Variants in ZBTB49 observed in about 807,000 individuals in gnomAD.
The protein encoded by ZBTB49 is zinc finger and BTB domain containing 49.
In ZBTB49, 43 loss-of-function variants were observed where a neutral mutation model predicts 57.5. The observed-to-expected ratio is 0.75, with a 90% confidence interval of 0.59 to 0.97. ZBTB49 has a LOEUF of 0.97. Ranked by LOEUF, ZBTB49 falls within the 50% of genes least tolerant of loss-of-function variation. The pLI is 0.00. For missense variants in ZBTB49, 938 were observed against 947.7 expected, an observed-to-expected ratio of 0.99 and a Z score of 0.13; for synonymous variants, 369 against 362.1, an observed-to-expected ratio of 1.02 and a Z score of -0.22.
rs374478665 is a variant in ZBTB49 at position 4,310,112 on chromosome 4, C to G, written c.1303-2929C>G. On this transcript the variant is annotated intron_variant, in intron 4 of 7. Coordinates refer to ENST00000337872, the MANE Select transcript of ZBTB49 (RefSeq NM_145291.4). ...ATGTTTAAATACTGAGGTTCAAGTA[C>G]CTGTCAGAAGGAGTTTATTATAAAA... Among the ~76,000 whole-genome samples the G allele has an allele frequency of 5.9e-5, 9 of 152,240 alleles. No individual in the cohort carries two copies. The East Asian group carries it at 1.2e-3, about 20-fold the overall frequency.
chr4:4,307,770 C>T (rs191538348), intron 4 of ZBTB49, among the ~76,000 whole-genome samples: 3 of 151,946 alleles, frequency 2.0e-5, no homozygotes, highest in Admixed American at 6.5e-5. Context: ...TTAGCAATTG[C>T]GACTTCTCTG....
chr4:4,293,074 G>A (rs1341699273), intron 1 of ZBTB49, among the ~76,000 whole-genome samples: 2 of 152,048 alleles, frequency 1.3e-5, no homozygotes, highest in African/African-American at 4.8e-5. Flanking sequence ...GTCCAATAGG[G>A]GACCTCTCCA....
chr4:4,318,723 T>C (rs186685262), intron 7 of ZBTB49, among the ~76,000 whole-genome samples: 26 of 152,336 alleles, frequency 1.7e-4, no homozygotes, highest in African/African-American at 6.0e-4. Context: ...TCCGCATGTC[T>C]GAGTAAAGTG....
intron 6 of ZBTB49, 39 bp from the exon 7 acceptor site, chr4:4,315,768 TTC>T (rs773214907): frequency 1.2e-4 from 198 of 1,613,708 alleles, no homozygotes; most frequent in Admixed American, 4.8e-4. Context: ...GATTAAAATG[TTC>T]TCTGTCCTTC....
At chr4:4,315,511 T>G in intron 5 of ZBTB49, 125 bp from the exon 6 acceptor site, 1 of 885,902 alleles carries the variant, frequency 1.1e-6, no homozygotes, top group Non-Finnish European at 1.7e-6. Flanking sequence ...ATGAAACCAG[T>G]CCAGTTCACG....
intron 1 of ZBTB49, among the ~76,000 whole-genome samples, chr4:4,292,744 A>G (rs181088882): frequency 2.0e-5 from 3 of 152,256 alleles, no homozygotes; most frequent in Non-Finnish European, 2.9e-5. Context: ...AGGTGCGTGA[A>G]CTGTGGGCCC....
chr4:4,307,545 C>T (rs967045536), intron 4 of ZBTB49, among the ~76,000 whole-genome samples: 3 of 152,152 alleles, frequency 2.0e-5, no homozygotes, highest in Non-Finnish European at 2.9e-5. Context: ...GAGGTAATAA[C>T]GGAAAGTCCT....
At chr4:4,318,037 C>G (rs1721260843) in intron 7 of ZBTB49, among the ~76,000 whole-genome samples, 1 of 152,182 alleles carries the variant, frequency 6.6e-6, no homozygotes, top group South Asian at 2.1e-4. Flanking sequence ...TATTCAGGGG[C>G]CTGCAGGCCC....
At chr4:4,293,746 C>T (rs1720054063) in intron 1 of ZBTB49, among the ~76,000 whole-genome samples, 1 of 152,324 alleles carries the variant, frequency 6.6e-6, no homozygotes, top group South Asian at 2.1e-4. Context: ...TTCCTGGGAG[C>T]CAGCTGAACC....
rs1359430752 is a variant in ZBTB49, at chr4:4,321,203, A to G, written c.2185A>G (p.Ser729Gly). 1 of 1,614,212 alleles carries G rather than the reference A, an allele frequency of 6.2e-7. No homozygotes were observed. The highest frequency in any genetic ancestry group is 1.7e-5 in the Admixed American group (1 of 60,020). Residue 729 changes from serine (S) to glycine (G), a missense_variant, in exon 8 of 8, where the codon AGT becomes GGT. By Grantham distance (56) the Ser-to-Gly change is moderately conservative (BLOSUM62 0). Transcript: ENST00000337872. ...LDNHGGDPLG[S>G]RASSTTYRNS... The stretch of plus-strand genomic sequence containing the variant: ...CAACCACGGCGGTGACCCCCTGGGC[A>G]GTCGAGCATCTTCCACCACTTATAG...
chr4:4,308,855 C>G (rs1577242100), intron 4 of ZBTB49, among the ~76,000 whole-genome samples: 1 of 152,154 alleles, frequency 6.6e-6, no homozygotes, highest in South Asian at 2.1e-4. Context: ...TCCTTTCTAC[C>G]TGAAAGGTGT....
chr4:4,319,276 A>C (rs1721314362), intron 7 of ZBTB49, among the ~76,000 whole-genome samples: 1 of 152,216 alleles, frequency 6.6e-6, no homozygotes, highest in African/African-American at 2.4e-5. Flanking sequence ...GGCTTTAAAA[A>C]AAAAATAGCC....
At chr4:4,315,587 C>T in intron 5 of ZBTB49, 49 bp from the exon 6 acceptor site, 1 of 1,583,174 alleles carries the variant, frequency 6.3e-7, no homozygotes, top group South Asian at 1.1e-5. Flanking sequence ...TATAAAGACC[C>T]ACAGTAATGT....
chr4:4,295,820 A>G (rs1191784023), intron 1 of ZBTB49, among the ~76,000 whole-genome samples: 2 of 152,188 alleles, frequency 1.3e-5, no homozygotes, highest in Non-Finnish European at 2.9e-5. Flanking sequence ...AGCTTTCCAT[A>G]AAGAGATGAG....
At chr4:4,305,714 C>G (rs1720705154) in intron 3 of ZBTB49, among the ~76,000 whole-genome samples, 1 of 152,194 alleles carries the variant, frequency 6.6e-6, no homozygotes, top group African/African-American at 2.4e-5. Flanking sequence ...GTTTGGGGCT[C>G]TCTGTGCTCA....
At chr4:4,315,223 A>G (rs1721136024) in intron 5 of ZBTB49, among the ~76,000 whole-genome samples, 1 of 152,326 alleles carries the variant, frequency 6.6e-6, no homozygotes, top group Admixed American at 6.5e-5. Flanking sequence ...GGCACCACCC[A>G]GCTAGGGTCT....
chr4:4,313,199 G>T (rs1470500168), intron 5 of ZBTB49, 85 bp downstream of exon 5: 47 of 1,513,110 alleles, frequency 3.1e-5, no homozygotes, highest in Non-Finnish European at 4.0e-5. Context: ...TGAAGTGGTG[G>T]CTCACAGATG....
chr4:4,314,536 T>A (rs1251071882), intron 5 of ZBTB49, among the ~76,000 whole-genome samples: 9 of 152,130 alleles, frequency 5.9e-5, no homozygotes, highest in Non-Finnish European at 1.2e-4. Flanking sequence ...CATACCCGGT[T>A]AATTTTTGTA....
At chr4:4,304,614 C>G (rs1424047505) in intron 3 of ZBTB49, among the ~76,000 whole-genome samples, 3 of 152,110 alleles carry the variant, frequency 2.0e-5, no homozygotes, top group Non-Finnish European at 4.4e-5. Flanking sequence ...ATGACAGATA[C>G]AGTCATGGCA....
Sources: gnomAD v4.1 joint callset for allele counts (sites outside exome capture counted in the v4.1 genomes callset) on GRCh38, gnomAD v4.1.1 for gene constraint, MANE v1.5 for transcripts, NCBI Gene and HGNC (gene_info 2026-07-23, HGNC 2026-07-21) for gene names.